Variants in LRRIQ3 observed in about 807,000 individuals in gnomAD.
LRRIQ3 encodes the protein leucine rich repeats and IQ motif containing 3, also known as leucine-rich repeat and IQ domain-containing protein 3.
LRRIQ3 carries 75 observed loss-of-function variants against 59.3 expected under a neutral mutation model. The ratio of observed to expected loss-of-function variants is 1.26; its 90% CI spans 1.05 to 1.53. The LOEUF (loss-of-function observed/expected upper bound fraction) is 1.53. LRRIQ3 is among the 40% of genes most tolerant of loss of function. The pLI is 0.00. For synonymous variants in LRRIQ3, 250 were observed against 231.3 expected, an observed-to-expected ratio of 1.08 and a Z score of -0.73; for missense variants, 831 against 710.0, an observed-to-expected ratio of 1.17 and a Z score of -1.94.
intron 4 of LRRIQ3, among the ~76,000 whole-genome samples, chr1:74,130,424 T>A (rs1436843293): frequency 6.6e-6 from 1 of 152,100 alleles, no homozygotes; most frequent in Non-Finnish European, 1.5e-5. Flanking sequence ...ATTACTGTGT[T>A]CTCACTCTCT....
intron 5 of LRRIQ3, among the ~76,000 whole-genome samples, chr1:74,091,522 C>A (rs912218632): frequency 6.6e-6 from 1 of 151,700 alleles, no homozygotes; most frequent in African/African-American, 2.4e-5. Flanking sequence ...ATTGATTAAA[C>A]GTAGCTAACA....
intron 6 of LRRIQ3, among the ~76,000 whole-genome samples, chr1:74,063,458 T>C (rs1654785635): frequency 6.6e-6 from 1 of 152,148 alleles, no homozygotes; most frequent in African/African-American, 2.4e-5. Context: ...TACCCATTCA[T>C]TGAATCCTTT....
intron 5 of LRRIQ3, among the ~76,000 whole-genome samples, chr1:74,088,232 G>C (rs537196138): frequency 6.6e-6 from 1 of 151,942 alleles, no homozygotes; most frequent in Non-Finnish European, 1.5e-5. Context: ...CAAACATTTC[G>C]TAAGTTTTTT....
intron 6 of LRRIQ3, among the ~76,000 whole-genome samples, chr1:74,048,581 T>C (rs967924098): frequency 1.1e-4 from 16 of 152,178 alleles, no homozygotes; most frequent in African/African-American, 3.9e-4. Context: ...CTTCCATCCA[T>C]TCATTCATAT....
Position 74,041,520 on chromosome 1 carries a change from G to GT in LRRIQ3, c.1410dup (p.Leu471ThrfsTer3), listed in dbSNP as rs1472630850. The GT allele has an allele frequency of 1.2e-6, 2 of 1,611,568 alleles. No individual in the cohort carries two copies. Among genetic ancestry groups the GT allele is most frequent in the South Asian group, 2.2e-5 (2 of 90,362 alleles). On this transcript the variant is annotated frameshift_variant, in exon 7 of 8. Coordinates refer to ENST00000354431, the MANE Select transcript of LRRIQ3 (RefSeq NM_001105659.2). LOFTEE classifies it high-confidence loss of function. ...ATTGTCTCTTTATTTTCTTCAATTA[G>GT]TTTTTGTGTAGCATATTTTTTCTGA...
intron 3 of LRRIQ3, among the ~76,000 whole-genome samples, chr1:74,157,152 G>A (rs1648383114): frequency 6.6e-6 from 1 of 151,892 alleles, no homozygotes; most frequent in African/African-American, 2.4e-5. Flanking sequence ...GAAAACCTTT[G>A]ACACTATTCG....
chr1:74,155,712 G>T, intron 4 of LRRIQ3, 21 bp downstream of exon 4: 1 of 1,543,224 alleles, frequency 6.5e-7, no homozygotes, highest in Non-Finnish European at 8.7e-7. Flanking sequence ...ATATTCAAAT[G>T]GTAAAGAAAA....
At chr1:74,090,753 G>A (rs969132400) in intron 5 of LRRIQ3, among the ~76,000 whole-genome samples, 5 of 151,740 alleles carry the variant, frequency 3.3e-5, no homozygotes, top group African/African-American at 9.7e-5. Context: ...ACTTAGCTGG[G>A]TGTGGGAGTG....
chr1:74,035,307 AAT>A (rs1215652939), intron 7 of LRRIQ3, among the ~76,000 whole-genome samples: 2 of 152,028 alleles, frequency 1.3e-5, no homozygotes, highest in African/African-American at 4.8e-5. Flanking sequence ...ACATAGATAT[AAT>A]ATATAGATAG....
At position 74,163,873 on chromosome 1, in the gene LRRIQ3, C is replaced by T. The variant is rs76420282; in HGVS notation, c.574-8007G>A. Among the ~76,000 whole-genome samples, 610 of 151,472 alleles carry T rather than the reference C, an allele frequency of 4.0e-3. 1 individual carries two copies. Among genetic ancestry groups the T allele is most frequent in the Middle Eastern group, 6.8e-3 (2 of 294 alleles). On this transcript the variant is annotated intron_variant, in intron 3 of 7. Coordinates refer to ENST00000354431, the MANE Select transcript of LRRIQ3 (RefSeq NM_001105659.2). ...GTGGCTGTACTATTTTATTTTCCTACCAGTTTTGCTGCATACATGCCAGAA... is the reference window on the plus strand; with the variant it reads ...GTGGCTGTACTATTTTATTTTCCTATCAGTTTTGCTGCATACATGCCAGAA...
chr1:74,078,774 A>G (rs1431580644), intron 5 of LRRIQ3: 2 of 151,722 alleles, frequency 1.3e-5, no homozygotes, highest in Non-Finnish European at 2.9e-5. Context: ...CGTAAGCCCT[A>G]TATAAATAGG....
At chr1:74,088,827 A>G (rs551384238) in intron 5 of LRRIQ3, among the ~76,000 whole-genome samples, 1 of 152,178 alleles carries the variant, frequency 6.6e-6, no homozygotes, top group East Asian at 1.9e-4. Context: ...TAAGTTTACC[A>G]AAATAAAAAG....
At chr1:74,127,934 G>C (rs1168470199) in intron 4 of LRRIQ3, among the ~76,000 whole-genome samples, 2 of 151,772 alleles carry the variant, frequency 1.3e-5, no homozygotes, top group African/African-American at 2.4e-5. Context: ...CTCAGTTTTT[G>C]TTTGTATGGA....
intron 6 of LRRIQ3, among the ~76,000 whole-genome samples, chr1:74,060,236 C>G (rs1436938288): frequency 6.9e-6 from 1 of 145,680 alleles, no homozygotes; most frequent in African/African-American, 2.6e-5. Context: ...TCTTCTTCTT[C>G]TTCTTCTTCT....
At chr1:74,051,821 T>C (rs1048272895) in intron 6 of LRRIQ3, among the ~76,000 whole-genome samples, 1 of 152,184 alleles carries the variant, frequency 6.6e-6, no homozygotes, top group Non-Finnish European at 1.5e-5. Context: ...CGTTCCCTTT[T>C]AAAATTTGCC....
intron 7 of LRRIQ3, among the ~76,000 whole-genome samples, chr1:74,030,161 G>C (rs1653655505): frequency 6.6e-6 from 1 of 152,062 alleles, no homozygotes; most frequent in Non-Finnish European, 1.5e-5. Context: ...CTCATGGATA[G>C]GAGAATCAAT....
At chr1:74,065,871 G>A (rs1654850802) in intron 6 of LRRIQ3, among the ~76,000 whole-genome samples, 1 of 152,030 alleles carries the variant, frequency 6.6e-6, no homozygotes, top group Non-Finnish European at 1.5e-5. Context: ...TATAATAGTT[G>A]TTAAGTAAGA....
At chr1:74,097,502 C>T (rs1303376048) in intron 5 of LRRIQ3, among the ~76,000 whole-genome samples, 1 of 152,140 alleles carries the variant, frequency 6.6e-6, no homozygotes, top group Admixed American at 6.6e-5. Context: ...TCCAGGAGAA[C>T]TTCCCCAGCC....
intron 6 of LRRIQ3, among the ~76,000 whole-genome samples, chr1:74,042,935 T>C (rs1322532377): frequency 1.3e-5 from 2 of 152,046 alleles, no homozygotes; most frequent in Admixed American, 6.6e-5. Context: ...AACCATAAGA[T>C]AGAAGCTGCC....
Sources: gnomAD v4.1 joint callset for allele counts (sites outside exome capture counted in the v4.1 genomes callset) on GRCh38, gnomAD v4.1.1 for gene constraint, MANE v1.5 for transcripts, NCBI Gene and HGNC (gene_info 2026-07-23, HGNC 2026-07-21) for gene names.